KCND2: variants seen among roughly 807,000 people sequenced by gnomAD.
KCND2 encodes A-type voltage-gated potassium channel KCND2.
KCND2 carries 16 observed loss-of-function variants against 54.4 expected under a neutral mutation model. The observed-to-expected ratio is 0.29, with a 90% CI of 0.20 to 0.45. The LOEUF (loss-of-function observed/expected upper bound fraction) is 0.45. Among genes scored for constraint, KCND2 ranks in the 20% least tolerant of loss-of-function variants. The pLI is 1.00. For missense variants in KCND2, 486 were observed against 824.2 expected (o/e 0.59, Z 5.02); for synonymous variants, 317 against 310.7 (o/e 1.02, Z -0.21).
chr7:120,415,287 A>T (rs1232989394), intron 1 of KCND2, among the ~76,000 whole-genome samples: 1 of 152,150 alleles, frequency 6.6e-6, no homozygotes, highest in Admixed American at 6.6e-5. Flanking sequence ...AACAAAAACA[A>T]CACCAAAAAA....
chr7:120,493,689 T>A (rs1192079368), intron 1 of KCND2, among the ~76,000 whole-genome samples: 3 of 152,054 alleles, frequency 2.0e-5, no homozygotes, highest in African/African-American at 7.2e-5. Flanking sequence ...ACCTGCTTGA[T>A]TTGCAAAAAT....
intron 1 of KCND2, among the ~76,000 whole-genome samples, chr7:120,351,307 A>G (rs1323216810): frequency 6.9e-6 from 1 of 145,616 alleles, no homozygotes; most frequent in Non-Finnish European, 1.5e-5. Flanking sequence ...GTATCATACA[A>G]TTTTTAAAAA....
intron 2 of KCND2, among the ~76,000 whole-genome samples, chr7:120,734,900 G>A (rs779032118): frequency 1.3e-5 from 2 of 152,062 alleles, no homozygotes; most frequent in Non-Finnish European, 2.9e-5. Context: ...GCACGCATAT[G>A]AACAATGTCA....
intron 1 of KCND2, among the ~76,000 whole-genome samples, chr7:120,328,400 C>T (rs369230727): frequency 1.2e-4 from 18 of 152,234 alleles, no homozygotes; most frequent in African/African-American, 4.1e-4. Flanking sequence ...TTATTATCCT[C>T]ATTTTATAGA....
chr7:120,544,477 G>A (rs1792019373), intron 1 of KCND2, among the ~76,000 whole-genome samples: 1 of 151,780 alleles, frequency 6.6e-6, no homozygotes, highest in Admixed American at 6.6e-5. Flanking sequence ...ATTATCTAAG[G>A]AAAGAATTTT....
At chr7:120,475,278 G>A (rs546984372) in intron 1 of KCND2, among the ~76,000 whole-genome samples, 1 of 152,154 alleles carries the variant, frequency 6.6e-6, no homozygotes, top group Non-Finnish European at 1.5e-5. Context: ...ATACATTCTA[G>A]TGTATATGTA....
At chr7:120,652,504 A>G (rs1366246387) in intron 1 of KCND2, among the ~76,000 whole-genome samples, 1 of 152,194 alleles carries the variant, frequency 6.6e-6, no homozygotes, top group Non-Finnish European at 1.5e-5. Context: ...CCCAACAATA[A>G]AAAAGGAATA....
intron 1 of KCND2, among the ~76,000 whole-genome samples, chr7:120,508,082 A>G (rs1331401456): frequency 2.0e-5 from 3 of 151,844 alleles, no homozygotes; most frequent in Admixed American, 1.3e-4. Flanking sequence ...TGCCGTGAAA[A>G]CTAAGGCACA....
chr7:120,425,786 G>A (rs1225604648), intron 1 of KCND2, among the ~76,000 whole-genome samples: 2 of 152,166 alleles, frequency 1.3e-5, no homozygotes, highest in African/African-American at 2.4e-5. Context: ...GCTAGAGCAC[G>A]TTTTCCCCTG....
At chr7:120,399,623 T>C (rs1022001530) in intron 1 of KCND2, among the ~76,000 whole-genome samples, 20 of 151,480 alleles carry the variant, frequency 1.3e-4, no homozygotes, top group African/African-American at 4.6e-4. Flanking sequence ...AGATTTGTTT[T>C]TTATAATGTT....
At chr7:120,639,095 C>T (rs1487275716) in intron 1 of KCND2, among the ~76,000 whole-genome samples, 3 of 152,084 alleles carry the variant, frequency 2.0e-5, no homozygotes, top group African/African-American at 7.2e-5. Flanking sequence ...TGCTAGTGTG[C>T]ACACATACCT....
At chr7:120,705,407 A>G (rs1792455434) in intron 1 of KCND2, among the ~76,000 whole-genome samples, 1 of 152,186 alleles carries the variant, frequency 6.6e-6, no homozygotes, top group South Asian at 2.1e-4. Context: ...AGGAAAGAAC[A>G]CACACAGTTT....
intron 1 of KCND2, among the ~76,000 whole-genome samples, chr7:120,443,609 A>T (rs1350481479): frequency 6.6e-6 from 1 of 151,774 alleles, no homozygotes; most frequent in East Asian, 1.9e-4. Flanking sequence ...TATTTACAAC[A>T]CTTTCAAAGT....
chr7:120,612,785 G>T (rs954589328), intron 1 of KCND2, among the ~76,000 whole-genome samples: 2 of 152,126 alleles, frequency 1.3e-5, no homozygotes, highest in African/African-American at 4.8e-5. Context: ...TAAGAAAATT[G>T]ATACATTAAT....
chr7:120,386,203 A>G (rs2116039790), intron 1 of KCND2, among the ~76,000 whole-genome samples: 1 of 152,228 alleles, frequency 6.6e-6, no homozygotes, highest in South Asian at 2.1e-4. Context: ...AACACACTAG[A>G]ATATTTCAGG....
At chr7:120,406,129 A>G (rs1235733447) in intron 1 of KCND2, among the ~76,000 whole-genome samples, 1 of 152,044 alleles carries the variant, frequency 6.6e-6, no homozygotes, top group Non-Finnish European at 1.5e-5. Context: ...CCAGAGAGGC[A>G]TATGATATCT....
chr7:120,721,326 T>A (rs1479092153), intron 1 of KCND2, among the ~76,000 whole-genome samples: 1 of 152,170 alleles, frequency 6.6e-6, no homozygotes, highest in Non-Finnish European at 1.5e-5. Flanking sequence ...CCTTAGTTTG[T>A]ATAGTTAATA....
chr7:120,289,069 CACACACACAGAGAGAG>C (rs1214671727), intron 1 of KCND2, among the ~76,000 whole-genome samples: 2 of 139,428 alleles, frequency 1.4e-5, no homozygotes, highest in Admixed American at 7.1e-5. Flanking sequence ...CACACACACA[CACACACACAGAGAGAG>C]AGAGAGAGAC....
intron 1 of KCND2, among the ~76,000 whole-genome samples, chr7:120,278,529 C>G (rs1166382399): frequency 6.6e-6 from 1 of 150,412 alleles, no homozygotes; most frequent in East Asian, 1.9e-4. Flanking sequence ...TGAACGTTAT[C>G]TACATGAGAA....
Sources: allele counts gnomAD v4.1 joint callset (sites outside exome capture counted in the v4.1 genomes callset), GRCh38; gene constraint gnomAD v4.1.1; transcripts MANE v1.5; gene names NCBI Gene and HGNC (gene_info 2026-07-23, HGNC 2026-07-21).